Variants in CDH18 observed in about 807,000 individuals in gnomAD.
The protein encoded by CDH18 is cadherin 18, also known as cadherin-18.
In CDH18, 31 loss-of-function variants were observed where a neutral mutation model predicts 67.9. That is an observed-to-expected ratio of 0.46 (90% CI 0.34 to 0.62). CDH18 has a LOEUF of 0.62. Ranked by LOEUF, CDH18 falls within the 20% of genes least tolerant of loss-of-function variation. CDH18 has a pLI of 0.01. For missense variants in CDH18, 890 were observed against 975.5 expected (o/e 0.91, Z 1.17); for synonymous variants, 362 against 347.2 (o/e 1.04, Z -0.48).
chr5:19,693,840 G>A (rs1737847888), intron 5 of CDH18, among the ~76,000 whole-genome samples: 1 of 149,820 alleles, frequency 6.7e-6, no homozygotes, highest in Admixed American at 6.7e-5. Context: ...AGGTTGCAGT[G>A]AGCCAAGATC....
chr5:19,584,420 T>G (rs184293350), intron 7 of CDH18, among the ~76,000 whole-genome samples: 1 of 152,234 alleles, frequency 6.6e-6, no homozygotes, highest in East Asian at 1.9e-4. Flanking sequence ...AGAGATTAAA[T>G]AAGGAATAGG....
intron 1 of CDH18, among the ~76,000 whole-genome samples, chr5:20,260,590 T>G (rs1454776585): frequency 2.0e-5 from 3 of 152,074 alleles, no homozygotes; most frequent in Non-Finnish European, 4.4e-5. Context: ...TATTAGAGAG[T>G]GGTAGATTCC....
intron 1 of CDH18, among the ~76,000 whole-genome samples, chr5:20,488,984 C>T (rs1400306472): frequency 1.3e-5 from 2 of 151,808 alleles, no homozygotes; most frequent in Non-Finnish European, 2.9e-5. Context: ...ATACAGTTAC[C>T]GAATACAGAC....
At chr5:20,394,725 C>T (rs1377758269) in intron 1 of CDH18, among the ~76,000 whole-genome samples, 1 of 151,946 alleles carries the variant, frequency 6.6e-6, no homozygotes, top group Non-Finnish European at 1.5e-5. Flanking sequence ...ATAACTCAAA[C>T]ATATCAGCAA....
intron 2 of CDH18, among the ~76,000 whole-genome samples, chr5:20,075,067 A>G (rs1743805774): frequency 6.6e-6 from 1 of 152,226 alleles, no homozygotes; most frequent in Non-Finnish European, 1.5e-5. Context: ...CAGAGAGTGC[A>G]TAACCACTGA....
At chr5:20,571,730 A>G (rs1418380191) in intron 1 of CDH18, among the ~76,000 whole-genome samples, 1 of 152,154 alleles carries the variant, frequency 6.6e-6, no homozygotes, top group Non-Finnish European at 1.5e-5. Flanking sequence ...TTCTACACTG[A>G]TAAGTCAAGG....
At chr5:20,107,996 G>A (rs1466934200) in intron 2 of CDH18, among the ~76,000 whole-genome samples, 1 of 142,470 alleles carries the variant, frequency 7.0e-6, no homozygotes, top group Non-Finnish European at 1.5e-5. Flanking sequence ...GCTTAAATAA[G>A]GATACTAGTC....
At chr5:20,556,776 T>G (rs1370021498) in intron 1 of CDH18, among the ~76,000 whole-genome samples, 2 of 152,160 alleles carry the variant, frequency 1.3e-5, no homozygotes, top group African/African-American at 4.8e-5. Context: ...GAAGAATTAA[T>G]CTAAGAATGA....
chr5:19,532,930 G>C (rs66646185), intron 9 of CDH18, among the ~76,000 whole-genome samples: 15,565 of 152,132 alleles, frequency 0.1, 1,176 homozygotes, highest in African/African-American at 0.2. Context: ...GATTGAGGGA[G>C]AAATCAGATT....
At chr5:19,631,566 T>C (rs1266572711) in intron 5 of CDH18, among the ~76,000 whole-genome samples, 3 of 151,352 alleles carry the variant, frequency 2.0e-5, no homozygotes, top group Non-Finnish European at 4.4e-5. Flanking sequence ...AGCTTTACTA[T>C]ATTCCACAAA....
At chr5:19,701,245 T>G (rs1763209973) in intron 5 of CDH18, among the ~76,000 whole-genome samples, 1 of 152,086 alleles carries the variant, frequency 6.6e-6, no homozygotes, top group African/African-American at 2.4e-5. Context: ...GGAAAAAAAA[T>G]CCCTGCTGTA....
At chr5:20,034,976 T>A (rs1739722989) in intron 2 of CDH18, among the ~76,000 whole-genome samples, 1 of 152,068 alleles carries the variant, frequency 6.6e-6, no homozygotes, top group African/African-American at 2.4e-5. Flanking sequence ...GCATAACCAA[T>A]AAATGTAAGT....
intron 1 of CDH18, among the ~76,000 whole-genome samples, chr5:20,335,042 T>C (rs1739597066): frequency 6.6e-6 from 1 of 152,210 alleles, no homozygotes; most frequent in Non-Finnish European, 1.5e-5. Flanking sequence ...TTTGGTTTCC[T>C]GATCTTGTGC....
chr5:19,585,352 A>G (rs1380827416), intron 7 of CDH18, among the ~76,000 whole-genome samples: 1 of 152,150 alleles, frequency 6.6e-6, no homozygotes, highest in African/African-American at 2.4e-5. Context: ...GTCAATATGA[A>G]GTTGTTTTCC....
At chr5:19,808,733 AG>A (rs1457063349) in intron 3 of CDH18, among the ~76,000 whole-genome samples, 4 of 145,344 alleles carry the variant, frequency 2.8e-5, no homozygotes, top group Admixed American at 7.0e-5. Context: ...TGGGAGTCTG[AG>A]GCAGAAGAAT....
intron 5 of CDH18, among the ~76,000 whole-genome samples, chr5:19,670,496 A>C (rs1325688745): frequency 6.6e-6 from 1 of 152,164 alleles, no homozygotes; most frequent in Non-Finnish European, 1.5e-5. Context: ...TGCAGGACAA[A>C]TGTAACGTTT....
At chr5:20,161,615 C>T (rs1035462667) in intron 2 of CDH18, among the ~76,000 whole-genome samples, 1 of 152,170 alleles carries the variant, frequency 6.6e-6, no homozygotes. Context: ...AGAGATCATT[C>T]ATATCCAGTT....
intron 5 of CDH18, among the ~76,000 whole-genome samples, chr5:19,685,934 G>C (rs1482294112): frequency 6.6e-6 from 1 of 152,014 alleles, no homozygotes; most frequent in African/African-American, 2.4e-5. Context: ...TTGAATTATA[G>C]CCCCAAACTG....
At chr5:19,870,279 T>C (rs902817106) in intron 2 of CDH18, among the ~76,000 whole-genome samples, 2 of 152,158 alleles carry the variant, frequency 1.3e-5, no homozygotes, top group African/African-American at 4.8e-5. Flanking sequence ...GAGTGGATTC[T>C]CACTGTCTAA....
Sources: allele counts gnomAD v4.1 joint callset (sites outside exome capture counted in the v4.1 genomes callset), GRCh38; gene constraint gnomAD v4.1.1; transcripts MANE v1.5; gene names NCBI Gene and HGNC (gene_info 2026-07-23, HGNC 2026-07-21).